The following MTDH variants were observed in gnomAD, a reference collection of about 807,000 sequenced individuals.
MTDH encodes the protein metadherin.
In MTDH, 34 loss-of-function variants were observed where a neutral mutation model predicts 72.7. The observed-to-expected ratio is 0.47, with a 90% CI of 0.36 to 0.62. The LOEUF is 0.62. Among genes scored for constraint, MTDH ranks in the 20% least tolerant of loss-of-function variants. MTDH has a pLI of 0.00. For missense variants in MTDH, 677 were observed against 699.4 expected (o/e 0.97, Z 0.36); for synonymous variants, 266 against 268.9 (o/e 0.99, Z 0.10).
intron 10 of MTDH, among the ~76,000 whole-genome samples, chr8:97,722,567 A>G (rs539122783): frequency 6.6e-6 from 1 of 152,202 alleles, no homozygotes. Context: ...GTGCCACTGC[A>G]CTCCATCCTG....
Position 97,673,685 on chromosome 8 carries a change from CAGGAA to C in MTDH, c.483+12513_483+12517del, listed in dbSNP as rs1812727278. Reference sequence around the variant, plus strand: ...TGGGCGGGGCGGGGAAGGGGGGGCACAGGAATTGGCCGGGTGCAGTGGCTCACACC... The same window carrying C: ...TGGGCGGGGCGGGGAAGGGGGGGCACTTGGCCGGGTGCAGTGGCTCACACC... On this transcript the variant is annotated intron_variant, in intron 2 of 11. Transcript: ENST00000336273. Among the ~76,000 whole-genome samples the C allele has an allele frequency of 8.7e-5, 13 of 149,546 alleles. No homozygotes were observed. The South Asian group carries it at 2.8e-3, about 32-fold the overall frequency.
intron 2 of MTDH, among the ~76,000 whole-genome samples, chr8:97,682,228 CT>C (rs1813110373): frequency 2.3e-5 from 1 of 44,028 alleles, no homozygotes; most frequent in South Asian, 8.8e-4. Flanking sequence ...TTGTTAATTA[CT>C]TTATATATAT....
At chr8:97,701,117 C>T (rs867061570) in intron 7 of MTDH, among the ~76,000 whole-genome samples, 1 of 152,064 alleles carries the variant, frequency 6.6e-6, no homozygotes, top group African/African-American at 2.4e-5. Context: ...GCTGTAAAAT[C>T]GAGCAAATAA....
intron 5 of MTDH, among the ~76,000 whole-genome samples, chr8:97,689,722 T>G (rs183080117): frequency 0.01 from 1,355 of 129,186 alleles, 14 homozygotes; most frequent in African/African-American, 0.04. Flanking sequence ...TTTTTTTTTT[T>G]GGGAAATGGA....
intron 1 of MTDH, among the ~76,000 whole-genome samples, chr8:97,656,714 T>A (rs992727898): frequency 7.2e-5 from 11 of 151,746 alleles, no homozygotes; most frequent in Admixed American, 6.6e-4. Flanking sequence ...GTACCAGGAA[T>A]TGAGGCCAGG....
At chr8:97,668,999 C>G (rs888325287) in intron 2 of MTDH, among the ~76,000 whole-genome samples, 1 of 152,172 alleles carries the variant, frequency 6.6e-6, no homozygotes, top group Non-Finnish European at 1.5e-5. Flanking sequence ...CCTGCCTTGT[C>G]TCATCTCCCA....
chr8:97,715,150 CAG>C (rs1814810373), intron 9 of MTDH, among the ~76,000 whole-genome samples: 1 of 150,568 alleles, frequency 6.6e-6, no homozygotes, highest in South Asian at 2.1e-4. Flanking sequence ...ATTTTTGAGA[CAG>C]AGTCTCACTC....
intron 4 of MTDH, 94 bp from the exon 5 acceptor site, chr8:97,688,944 A>G (rs1404589140): frequency 1.7e-5 from 9 of 520,522 alleles, no homozygotes; most frequent in Non-Finnish European, 2.8e-5. Flanking sequence ...TTTATAATAG[A>G]TAATAATTAA....
At chr8:97,718,980 A>T in intron 9 of MTDH, 69 bp from the exon 10 acceptor site, 1 of 1,429,068 alleles carries the variant, frequency 7.0e-7, no homozygotes. Context: ...ACAGCCATAC[A>T]CCACCATAGA....
At chr8:97,659,312 T>C (rs549277365) in intron 1 of MTDH, among the ~76,000 whole-genome samples, 42 of 152,288 alleles carry the variant, frequency 2.8e-4, no homozygotes, top group Non-Finnish European at 5.3e-4. Context: ...GAAGAGGGAT[T>C]AGAAGAGGCA....
At chr8:97,709,644 G>A (rs1009337721) in intron 8 of MTDH, among the ~76,000 whole-genome samples, 1 of 152,138 alleles carries the variant, frequency 6.6e-6, no homozygotes, top group African/African-American at 2.4e-5. Context: ...TGAATGATGA[G>A]CAAGTTATAA....
chr8:97,652,423 C>T (rs946916384), intron 1 of MTDH, among the ~76,000 whole-genome samples: 2 of 152,216 alleles, frequency 1.3e-5, no homozygotes, highest in Non-Finnish European at 2.9e-5. Flanking sequence ...AAATCCTTTC[C>T]TGATCACCCT....
At position 97,707,862 on chromosome 8, in the gene MTDH, GAAAA is replaced by G. The variant is rs994911156; in HGVS notation, c.1272+1120_1272+1123del. On this transcript the variant is annotated intron_variant, in intron 8 of 11. Transcript: ENST00000336273. ...TAGCAAGACCCCATCTCTTAAAAAA[GAAAA>G]AAAAAAAGAAAAAGTTAAATGAGAG... 2.6e-4 allele frequency among the ~76,000 whole-genome samples: 33 copies of G among 124,660 alleles called. 1 individual carries two copies. Among genetic ancestry groups the G allele is most frequent in the Admixed American group, 2.3e-3 (29 of 12,514 alleles). 81.8% of individuals were successfully genotyped at this position (124,660 alleles called of 152,430 possible). A position where few individuals can be genotyped will look rare whatever the true frequency, so the allele number is the denominator to read the frequency against.
intron 1 of MTDH, among the ~76,000 whole-genome samples, chr8:97,650,832 C>T (rs910473701): frequency 1.5e-4 from 23 of 152,132 alleles, no homozygotes; most frequent in African/African-American, 4.1e-4. Flanking sequence ...CAGGCTCAAG[C>T]GATCCTCCCA....
chr8:97,721,198 T>A (rs1815107834), intron 10 of MTDH, among the ~76,000 whole-genome samples: 1 of 151,906 alleles, frequency 6.6e-6, no homozygotes, highest in Admixed American at 6.6e-5. Flanking sequence ...TCCCAGCACT[T>A]TGGGAGGTTG....
At chr8:97,709,613 A>G (rs1293733597) in intron 8 of MTDH, among the ~76,000 whole-genome samples, 2 of 152,362 alleles carry the variant, frequency 1.3e-5, no homozygotes, top group South Asian at 2.1e-4. Context: ...TGTTAGCATT[A>G]TGAATGGAAA....
intron 2 of MTDH, among the ~76,000 whole-genome samples, chr8:97,670,997 C>T (rs1342031187): frequency 1.7e-5 from 2 of 119,250 alleles, no homozygotes; most frequent in African/African-American, 3.3e-5. Flanking sequence ...CTCGCTCTGT[C>T]GCCCAGGCCG....
At chr8:97,679,812 A>G (rs1433978390) in intron 2 of MTDH, among the ~76,000 whole-genome samples, 1 of 151,962 alleles carries the variant, frequency 6.6e-6, no homozygotes, top group African/African-American at 2.4e-5. Flanking sequence ...GTGATAGCAG[A>G]CCCCTTTATC....
chr8:97,687,395 A>G, intron 3 of MTDH, 34 bp from the exon 4 acceptor site: 1 of 1,549,762 alleles, frequency 6.5e-7, no homozygotes, highest in Non-Finnish European at 8.7e-7. Context: ...TCTTCCCCTT[A>G]CTGAATAACA....
Sources: gnomAD v4.1 joint callset for allele counts (sites outside exome capture counted in the v4.1 genomes callset) on GRCh38, gnomAD v4.1.1 for gene constraint, MANE v1.5 for transcripts, NCBI Gene and HGNC (gene_info 2026-07-23, HGNC 2026-07-21) for gene names.